The following MTHFD1L variants were observed in gnomAD, a reference collection of about 807,000 sequenced individuals.
The protein encoded by MTHFD1L is monofunctional C1-tetrahydrofolate synthase, mitochondrial.
A neutral mutation model predicts 119.5 loss-of-function variants in MTHFD1L; 81 were observed. That is an observed-to-expected ratio of 0.68 (90% CI 0.57 to 0.82). MTHFD1L has a LOEUF of 0.82. Ranked by LOEUF, MTHFD1L falls within the 40% of genes least tolerant of loss-of-function variation. MTHFD1L has a pLI of 0.00. For missense variants in MTHFD1L, 1,125 were observed against 1,253.4 expected, an observed-to-expected ratio of 0.90 and a Z score of 1.55; for synonymous variants, 430 against 475.2, an observed-to-expected ratio of 0.90 and a Z score of 1.24.
At position 150,996,647 on chromosome 6, in the gene MTHFD1L, GCCC is replaced by G. The variant is rs1197135298; in HGVS notation, c.2126-13170_2126-13168del. On this transcript the variant is annotated intron_variant, in intron 20 of 27. Coordinates refer to ENST00000367321, the MANE Select transcript of MTHFD1L (RefSeq NM_015440.5). ...AGCCCTGGTTCCTGCTGAGCCTACA[GCCC>G]CAGGCCTGAGCAGCCGGCTGGGCCA... Among the ~76,000 whole-genome samples the G allele has an allele frequency of 2.6e-5, 4 of 152,050 alleles. No homozygotes were observed. The East Asian group carries it at 5.8e-4, about 22-fold the overall frequency.
chr6:150,893,280 G>C (rs1044178844), intron 7 of MTHFD1L, among the ~76,000 whole-genome samples: 1 of 152,134 alleles, frequency 6.6e-6, no homozygotes, highest in Non-Finnish European at 1.5e-5. Flanking sequence ...GGCCAGGCTG[G>C]TCTCGAACTC....
chr6:150,917,988 TATG>T (rs1486114634), intron 8 of MTHFD1L, among the ~76,000 whole-genome samples: 1 of 152,132 alleles, frequency 6.6e-6, no homozygotes, highest in East Asian at 1.9e-4. Context: ...CAGTGTGAGA[TATG>T]ATTTTGAAAG....
In MTHFD1L at chr6:150,976,637, A is replaced by G. The variant is rs142358214; in HGVS notation, c.2125+4579A>G. Among the ~76,000 whole-genome samples the G allele has an allele frequency of 3.3e-3, 508 of 152,352 alleles. 4 individuals are homozygous for G. The highest frequency in any genetic ancestry group is 0.012 in the African/African-American group (482 of 41,586). The stretch of plus-strand genomic sequence containing the variant: ...TCTTAAAATATGAAAAGCTCAAACC[A>G]TAGAGAAAAATGTCGATAATTTGGC... On this transcript the variant is annotated intron_variant, in intron 20 of 27. Transcript: ENST00000367321.
At chr6:151,072,441 CTTATAT>C (rs1361112989) in intron 26 of MTHFD1L, among the ~76,000 whole-genome samples, 3 of 152,136 alleles carry the variant, frequency 2.0e-5, no homozygotes, top group Admixed American at 6.5e-5. Context: ...AAAATTCACA[CTTATAT>C]TTATAAGACA....
chr6:150,943,391 G>A lies in MTHFD1L; in HGVS notation c.1441-1095G>A, dbSNP rs577776757. Among the ~76,000 whole-genome samples, 5 of 152,216 alleles carry A rather than the reference G, an allele frequency of 3.3e-5. No individual in the cohort carries two copies. In the East Asian group the frequency reaches 5.8e-4, roughly 18 times the overall value. ...CATGCCTGGAATCCTAGCACTTTGC[G>A]GGGCTGAAGCGAGAGGATCACTTGA... On this transcript the variant is annotated intron_variant, in intron 13 of 27. Coordinates refer to ENST00000367321, the MANE Select transcript of MTHFD1L (RefSeq NM_015440.5).
intron 7 of MTHFD1L, chr6:150,898,896 C>A: frequency 1.6e-6 from 1 of 642,506 alleles, no homozygotes; most frequent in East Asian, 1.0e-4. Flanking sequence ...GGAGTGCAGG[C>A]GCGTGATCTA....
At chr6:151,092,381 T>A in intron 26 of MTHFD1L, 86 bp from the exon 27 acceptor site, 1 of 985,216 alleles carries the variant, frequency 1.0e-6, no homozygotes. Context: ...GAGGCTGTAT[T>A]GAACGATAGA....
intron 25 of MTHFD1L, among the ~76,000 whole-genome samples, chr6:151,036,177 G>A (rs987719139): frequency 8.5e-5 from 13 of 152,196 alleles, no homozygotes; most frequent in African/African-American, 3.1e-4. Context: ...AGCACTTTGT[G>A]GGGTCAAGGC....
intron 17 of MTHFD1L, chr6:150,959,088 G>A (rs1622423): frequency 0.3 from 207,053 of 693,166 alleles, 31,569 homozygotes; most frequent in East Asian, 0.49. Context: ...TACAATGAAA[G>A]ACCACTTATG....
At chr6:151,089,716 T>C (rs1195308755) in intron 26 of MTHFD1L, among the ~76,000 whole-genome samples, 1 of 152,224 alleles carries the variant, frequency 6.6e-6, no homozygotes, top group East Asian at 1.9e-4. Flanking sequence ...GAAAAAAATA[T>C]GTGTCCACCA....
intron 26 of MTHFD1L, among the ~76,000 whole-genome samples, chr6:151,040,868 A>G (rs911327779): frequency 1.3e-5 from 2 of 152,222 alleles, no homozygotes; most frequent in African/African-American, 4.8e-5. Context: ...ATCTGTTGCC[A>G]TGGCTCATGC....
chr6:151,081,906 C>T (rs974718583), intron 26 of MTHFD1L, among the ~76,000 whole-genome samples: 1 of 152,098 alleles, frequency 6.6e-6, no homozygotes, highest in Non-Finnish European at 1.5e-5. Flanking sequence ...CCATCCTCCC[C>T]ACCCCTTCCT....
intron 7 of MTHFD1L, among the ~76,000 whole-genome samples, chr6:150,902,173 A>G (rs1307000124): frequency 6.6e-6 from 1 of 152,166 alleles, no homozygotes; most frequent in African/African-American, 2.4e-5. Context: ...AACTTTCCAA[A>G]TCTCATCTGT....
chr6:151,005,953 T>C (rs1781326165), intron 20 of MTHFD1L, among the ~76,000 whole-genome samples: 2 of 152,162 alleles, frequency 1.3e-5, no homozygotes, highest in Admixed American at 1.3e-4. Flanking sequence ...TTTGTACTTC[T>C]ATGTAATGCT....
intron 7 of MTHFD1L, 60 bp downstream of exon 7, chr6:150,888,041 A>G (rs1782611560): frequency 2.7e-6 from 4 of 1,500,596 alleles, no homozygotes; most frequent in Non-Finnish European, 3.6e-6. Context: ...AAGAAAGTCT[A>G]GAAATGTATA....
rs536361781 is a variant in MTHFD1L, at chr6:150,954,526, A to G, written c.1727-1469A>G. Among the ~76,000 whole-genome samples the G allele has an allele frequency of 3.6e-4, 55 of 152,230 alleles. No homozygotes were observed. The Middle Eastern group carries it at 0.01, about 28-fold the overall frequency. On this transcript the variant is annotated intron_variant, in intron 16 of 27. Transcript: ENST00000367321. The stretch of plus-strand genomic sequence containing the variant: ...AAAATGGCAAAACCCCATCTCTTCT[A>G]AAAATACAAAAAATTAGCCAGGCAT...
At position 150,917,838 on chromosome 6, in the gene MTHFD1L, A is replaced by G. The variant is rs149720449; in HGVS notation, c.893-739A>G. On this transcript the variant is annotated intron_variant, in intron 8 of 27. Coordinates refer to ENST00000367321, the MANE Select transcript of MTHFD1L (RefSeq NM_015440.5). ...AATTCTGTGGCCTAATCTGCAGTCTATGTTGCATCCACATGTTTTAAATGT... is the reference window on the plus strand; with the variant it reads ...AATTCTGTGGCCTAATCTGCAGTCTGTGTTGCATCCACATGTTTTAAATGT... 9.7e-4 allele frequency among the ~76,000 whole-genome samples: 148 copies of G among 152,288 alleles called. 1 individual carries two copies. The highest frequency in any genetic ancestry group is 3.3e-3 in the African/African-American group (136 of 41,570).
At chr6:150,963,117 T>C (rs1796694884) in intron 18 of MTHFD1L, among the ~76,000 whole-genome samples, 1 of 152,080 alleles carries the variant, frequency 6.6e-6, no homozygotes, top group African/African-American at 2.4e-5. Context: ...GGTTTTGCTA[T>C]GTTGGCCAGG....
chr6:150,977,674 A>C (rs946566777), intron 20 of MTHFD1L, among the ~76,000 whole-genome samples: 1 of 152,220 alleles, frequency 6.6e-6, no homozygotes, highest in African/African-American at 2.4e-5. Flanking sequence ...CCATTAACTT[A>C]GGATTTTTTA....
Sources: allele counts gnomAD v4.1 joint callset (sites outside exome capture counted in the v4.1 genomes callset), GRCh38; gene constraint gnomAD v4.1.1; transcripts MANE v1.5; gene names NCBI Gene and HGNC (gene_info 2026-07-23, HGNC 2026-07-21).